Variants in OPCML observed in about 807,000 individuals in gnomAD.
OPCML encodes the protein opioid binding protein/cell adhesion molecule like.
A neutral mutation model predicts 37.8 loss-of-function variants in OPCML; 13 were observed. The ratio of observed to expected loss-of-function variants is 0.34; its 90% CI spans 0.22 to 0.55. OPCML has a LOEUF of 0.55. Ranked by LOEUF, OPCML falls within the 20% of genes least tolerant of loss-of-function variation. The pLI, the probability that OPCML is intolerant of heterozygous loss-of-function variation, is 0.91. For missense variants in OPCML, 341 were observed against 435.6 expected, an observed-to-expected ratio of 0.78 and a Z score of 1.93; for synonymous variants, 176 against 168.8, an observed-to-expected ratio of 1.04 and a Z score of -0.33.
At chr11:133,371,905 T>C (rs1419605176) in intron 1 of OPCML, among the ~76,000 whole-genome samples, 1 of 152,110 alleles carries the variant, frequency 6.6e-6, no homozygotes, top group African/African-American at 2.4e-5. Context: ...GCATATGAAG[T>C]GAAAGAAGAC....
intron 1 of OPCML, among the ~76,000 whole-genome samples, chr11:133,078,711 A>G (rs4486643): frequency 0.55 from 83,500 of 151,744 alleles, 24,981 homozygotes; most frequent in African/African-American, 0.79. Flanking sequence ...CCTGAGCGCC[A>G]CAATGCTCGC....
intron 1 of OPCML, among the ~76,000 whole-genome samples, chr11:133,074,857 T>A (rs1256642189): frequency 6.6e-6 from 1 of 152,092 alleles, no homozygotes; most frequent in Admixed American, 6.5e-5. Context: ...AGAAGCCACA[T>A]CTCTCAGCCC....
intron 1 of OPCML, among the ~76,000 whole-genome samples, chr11:133,306,140 T>A (rs1406911663): frequency 6.6e-6 from 1 of 152,136 alleles, no homozygotes; most frequent in African/African-American, 2.4e-5. Context: ...CTGGCATACA[T>A]CAGTAGAAAG....
At chr11:132,756,932 C>T (rs770126751) in intron 2 of OPCML, among the ~76,000 whole-genome samples, 7 of 152,162 alleles carry the variant, frequency 4.6e-5, no homozygotes, top group African/African-American at 2.4e-5. Context: ...CCTACCCTTG[C>T]TCCCCACCCC....
intron 1 of OPCML, among the ~76,000 whole-genome samples, chr11:133,427,648 C>A (rs1190035063): frequency 6.6e-6 from 1 of 151,732 alleles, no homozygotes; most frequent in Non-Finnish European, 1.5e-5. Flanking sequence ...GAAAATGCTA[C>A]ATACAATTCC....
intron 4 of OPCML, among the ~76,000 whole-genome samples, chr11:132,467,840 A>G (rs961201675): frequency 2.6e-5 from 4 of 152,206 alleles, no homozygotes; most frequent in Admixed American, 2.6e-4. Flanking sequence ...TTCTGAATTC[A>G]AAGTTCAGAG....
chr11:132,981,045 GC>G (rs1242183059), intron 1 of OPCML, among the ~76,000 whole-genome samples: 2 of 152,160 alleles, frequency 1.3e-5, no homozygotes, highest in African/African-American at 4.8e-5. Flanking sequence ...AAGTATTTCT[GC>G]CTCTAAGCCT....
chr11:133,282,021 C>CA (rs368245944), intron 1 of OPCML, among the ~76,000 whole-genome samples: 7,675 of 141,082 alleles, frequency 0.054, 209 homozygotes, highest in Middle Eastern at 0.074. Flanking sequence ...ACAACAACAA[C>CA]AACAAAAAAA....
At chr11:133,473,291 C>G (rs1947157210) in intron 1 of OPCML, among the ~76,000 whole-genome samples, 1 of 152,052 alleles carries the variant, frequency 6.6e-6, no homozygotes. Context: ...GAGGAGATGG[C>G]CTCCATTGAA....
chr11:133,415,872 C>G (rs1945750024), intron 1 of OPCML, among the ~76,000 whole-genome samples: 1 of 152,164 alleles, frequency 6.6e-6, no homozygotes, highest in African/African-American at 2.4e-5. Flanking sequence ...AGGAGAGAGG[C>G]CTGCAGCTGA....
intron 3 of OPCML, among the ~76,000 whole-genome samples, chr11:132,639,858 TA>T (rs1940743699): frequency 6.6e-6 from 1 of 152,184 alleles, no homozygotes; most frequent in Non-Finnish European, 1.5e-5. Flanking sequence ...AAAGCTCTGC[TA>T]AGGTAGCACT....
intron 1 of OPCML, among the ~76,000 whole-genome samples, chr11:133,079,220 G>A (rs1201066423): frequency 6.6e-6 from 1 of 152,172 alleles, no homozygotes; most frequent in Non-Finnish European, 1.5e-5. Flanking sequence ...GCTAGTGTAA[G>A]TAACGAGAGG....
intron 1 of OPCML, among the ~76,000 whole-genome samples, chr11:133,279,105 G>T (rs1439322783): frequency 6.6e-6 from 1 of 152,174 alleles, no homozygotes; most frequent in African/African-American, 2.4e-5. Flanking sequence ...AGGAAGAACT[G>T]ACAATAGAAC....
intron 1 of OPCML, among the ~76,000 whole-genome samples, chr11:133,488,167 C>T (rs1053678430): frequency 1.2e-4 from 18 of 151,984 alleles, no homozygotes; most frequent in African/African-American, 4.3e-4. Flanking sequence ...TCTTACTTAA[C>T]AGAAAAGTTG....
chr11:133,224,854 A>G (rs1255433732), intron 1 of OPCML, among the ~76,000 whole-genome samples: 2 of 152,178 alleles, frequency 1.3e-5, no homozygotes, highest in Non-Finnish European at 2.9e-5. Flanking sequence ...CTTTCTCACC[A>G]TTAGGTGGTA....
At chr11:132,907,616 C>T (rs1180152362) in intron 2 of OPCML, among the ~76,000 whole-genome samples, 3 of 143,848 alleles carry the variant, frequency 2.1e-5, no homozygotes, top group Non-Finnish European at 4.5e-5. Context: ...GGTGACAGAG[C>T]GAAACTCTGT....
At chr11:133,166,615 T>A (rs1950212174) in intron 1 of OPCML, among the ~76,000 whole-genome samples, 1 of 152,230 alleles carries the variant, frequency 6.6e-6, no homozygotes, top group African/African-American at 2.4e-5. Flanking sequence ...GTGTTTGAGT[T>A]GCCTGCATAG....
intron 2 of OPCML, among the ~76,000 whole-genome samples, chr11:132,820,377 C>T (rs1939909361): frequency 6.6e-6 from 1 of 152,302 alleles, no homozygotes; most frequent in African/African-American, 2.4e-5. Flanking sequence ...TGCCCAGTGT[C>T]TGAGCAGGCC....
intron 2 of OPCML, among the ~76,000 whole-genome samples, chr11:132,705,057 C>T (rs746815022): frequency 6.6e-6 from 1 of 152,064 alleles, no homozygotes; most frequent in Non-Finnish European, 1.5e-5. Flanking sequence ...ACAGAACCAG[C>T]GAGTGTGTAT....
Sources: gnomAD v4.1 joint callset for allele counts (sites outside exome capture counted in the v4.1 genomes callset) on GRCh38, gnomAD v4.1.1 for gene constraint, MANE v1.5 for transcripts, NCBI Gene and HGNC (gene_info 2026-07-23, HGNC 2026-07-21) for gene names.